The following MAN2B2 variants were observed in gnomAD, a reference collection of about 807,000 sequenced individuals.
MAN2B2 encodes mannosidase alpha class 2B member 2.
A neutral mutation model predicts 117.1 loss-of-function variants in MAN2B2; 106 were observed. The observed-to-expected ratio is 0.90, with a 90% CI of 0.77 to 1.06. The LOEUF (loss-of-function observed/expected upper bound fraction) is 1.06. Among genes scored for constraint, MAN2B2 ranks in the 50% least tolerant of loss-of-function variants. MAN2B2 has a pLI of 0.00. For missense variants in MAN2B2, 1,326 were observed against 1,381.4 expected (o/e 0.96, Z 0.64); for synonymous variants, 544 against 595.1 (o/e 0.91, Z 1.25).
chr4:6,578,195 A>C (rs1370495563), intron 2 of MAN2B2, among the ~76,000 whole-genome samples, 198 bp from the exon 3 acceptor site: 1 of 152,178 alleles, frequency 6.6e-6, no homozygotes, highest in Non-Finnish European at 1.5e-5. Context: ...TATCTCAAAT[A>C]CCACCTGAGG....
intron 3 of MAN2B2, among the ~76,000 whole-genome samples, chr4:6,579,099 G>C (rs202012505): frequency 0.029 from 637 of 21,688 alleles, 5 homozygotes; most frequent in South Asian, 0.038. Context: ...ACCATCACCA[G>C]CACCACCACC....
chr4:6,614,779 C>G (rs542667489), intron 16 of MAN2B2, among the ~76,000 whole-genome samples: 2 of 152,340 alleles, frequency 1.3e-5, no homozygotes, highest in African/African-American at 4.8e-5. Flanking sequence ...CTCACTCATT[C>G]AACAGCACGT....
In MAN2B2 at chr4:6,611,179, T is replaced by C. The variant is rs550228278; in HGVS notation, c.2464T>C (p.Trp822Arg). The C allele has an allele frequency of 8.8e-5, 142 of 1,613,970 alleles. 2 individuals are homozygous for C. The South Asian group carries it at 1.5e-3, about 17-fold the overall frequency. The stretch of plus-strand genomic sequence containing the variant: ...CACCTCAGTCGTCCACCCAGTGCTC[T>C]GGCTTCTGCTGGGATCCTGGTCCCT... Reference protein sequence around the residue: ...NDTSVVHPVLWLLLGSWSLTT... With the variant: ...NDTSVVHPVLRLLLGSWSLTT... Residue 822 changes from tryptophan to arginine, a missense_variant, in exon 15 of 19, where the codon TGG (tryptophan) becomes CGG (arginine). Transcript: ENST00000285599.
In MAN2B2 at chr4:6,598,353, C is replaced by A. The variant is rs1159779598; in HGVS notation, c.1404C>A (p.Ser468=). Residue 468 remains serine, a splice_region_variant and synonymous_variant, in exon 9 of 19, where the codon TCC becomes TCA. Transcript: ENST00000285599. Reference sequence around the variant, plus strand: ...CCCAGGCACCCATGGCGGCCAGCTCCGGTGAGCAGGGCCCTGCAGGGAGGC... The same window carrying A: ...CCCAGGCACCCATGGCGGCCAGCTCAGGTGAGCAGGGCCCTGCAGGGAGGC... ...LQPQAPMAAS[S]DAGPAGHFAS... is the part of the protein sequence containing the mutation. The A allele has an allele frequency of 6.2e-7, 1 of 1,611,270 alleles. No individual in the cohort carries two copies. Among genetic ancestry groups the A allele is most frequent in the Non-Finnish European group, 8.5e-7 (1 of 1,178,846 alleles).
At chr4:6,609,538 C>T in intron 12 of MAN2B2, 1 of 624,120 alleles carries the variant, frequency 1.6e-6, no homozygotes, top group South Asian at 2.0e-5. Context: ...GACCCTGGGG[C>T]CCACAGAGCA....
At chr4:6,590,543 G>A (rs1188499830) in intron 5 of MAN2B2, among the ~76,000 whole-genome samples, 1 of 152,140 alleles carries the variant, frequency 6.6e-6, no homozygotes, top group Non-Finnish European at 1.5e-5. Context: ...CCATCCATCG[G>A]CACCCCATCC....
intron 17 of MAN2B2, chr4:6,619,603 C>T (rs531687784): frequency 3.6e-6 from 1 of 281,310 alleles, no homozygotes; most frequent in African/African-American, 2.2e-5. Context: ...CACGGGGCCA[C>T]CTGAGCAATG....
chr4:6,594,570 T>A lies in MAN2B2; in HGVS notation c.895T>A (p.Phe299Ile), dbSNP rs1726992506. Residue 299 changes from phenylalanine to isoleucine, a missense_variant, in exon 7 of 19, where the codon TTT (phenylalanine) becomes ATT (isoleucine). Physicochemically the swap from Phe to Ile is conservative, Grantham distance 21. Transcript: ENST00000285599. Reference protein sequence around the residue: ...DKQFFNASVQFANMDPLLDHI... With the variant: ...DKQFFNASVQIANMDPLLDHI... Reference sequence around the variant, plus strand: ...GCAGTTCTTCAATGCCTCGGTGCAGTTTGCCAACATGGACCCGCTGCTGGA... The same window carrying A: ...GCAGTTCTTCAATGCCTCGGTGCAGATTGCCAACATGGACCCGCTGCTGGA... The A allele has an allele frequency of 6.2e-7, 1 of 1,613,516 alleles. No individual in the cohort carries two copies. The highest frequency in any genetic ancestry group is 1.7e-5 in the Admixed American group (1 of 60,004).
chr4:6,579,389 T>TCAC (rs1299509521), intron 3 of MAN2B2, among the ~76,000 whole-genome samples: 1 of 8,318 alleles, frequency 1.2e-4, no homozygotes, highest in Non-Finnish European at 2.6e-4. Context: ...CCACTACCCT[T>TCAC]CACCATCACC....
chr4:6,576,161 T>C (rs73796280), intron 1 of MAN2B2, among the ~76,000 whole-genome samples: 3,827 of 152,172 alleles, frequency 0.025, 160 homozygotes, highest in African/African-American at 0.087. Context: ...GCTTTCCTCA[T>C]TTCAGCCCCA....
At chr4:6,578,971 C>T (rs1252249089) in intron 3 of MAN2B2, among the ~76,000 whole-genome samples, 1 of 150,242 alleles carries the variant, frequency 6.7e-6, no homozygotes, top group Non-Finnish European at 1.5e-5. Flanking sequence ...CCATCACCAC[C>T]ACCACCACGA....
chr4:6,615,868 A>G (rs1711838861), intron 16 of MAN2B2, among the ~76,000 whole-genome samples: 1 of 151,678 alleles, frequency 6.6e-6, no homozygotes, highest in Non-Finnish European at 1.5e-5. Flanking sequence ...CAGTGGTGTG[A>G]TCTTGGCTCA....
chr4:6,597,039 C>T (rs1295427881), intron 7 of MAN2B2, 74 bp from the exon 8 acceptor site: 1 of 1,433,048 alleles, frequency 7.0e-7, no homozygotes, highest in South Asian at 1.3e-5. Context: ...AGCTTCTCAG[C>T]TCTTCCAGGG....
chr4:6,610,333 T>C (rs1301834497), intron 13 of MAN2B2, among the ~76,000 whole-genome samples: 1 of 152,132 alleles, frequency 6.6e-6, no homozygotes, highest in Non-Finnish European at 1.5e-5. Flanking sequence ...ATTTTTATAT[T>C]TTTAGTAGAG....
chr4:6,578,442 A>G lies in MAN2B2; in HGVS notation c.335A>G (p.Gln112Arg). 9 of 1,613,736 alleles carry G rather than the reference A, an allele frequency of 5.6e-6. No homozygotes were observed. Among genetic ancestry groups the G allele is most frequent in the Non-Finnish European group, 7.6e-6 (9 of 1,179,840 alleles). The change falls in exon 3 of 19, where the codon CAG becomes CGG. Residue 112 changes from glutamine (Q) to arginine (R), a missense_variant. Transcript: ENST00000285599. The stretch of plus-strand genomic sequence containing the variant: ...CGCCTGGAATTTGTCATCGGAGGCC[A>G]GGTCATGCATGACGAGGCTGTGACG... ...EGRLEFVIGGQVMHDEAVTHL... is the reference protein window; with the variant it reads ...EGRLEFVIGGRVMHDEAVTHL...
At chr4:6,576,057 C>A (rs1229962957) in intron 1 of MAN2B2, among the ~76,000 whole-genome samples, 3 of 152,194 alleles carry the variant, frequency 2.0e-5, no homozygotes, top group Admixed American at 2.0e-4. Flanking sequence ...CGGATGGGAA[C>A]ACACTACAGC....
intron 2 of MAN2B2, 58 bp from the exon 3 acceptor site, chr4:6,578,335 A>G (rs1040964960): frequency 3.0e-6 from 4 of 1,328,708 alleles, no homozygotes; most frequent in East Asian, 4.9e-5. Context: ...TTCCCCACAG[A>G]CCCAGCCATG....
chr4:6,606,282 G>A (rs1372964880), intron 11 of MAN2B2, among the ~76,000 whole-genome samples: 1 of 152,248 alleles, frequency 6.6e-6, no homozygotes, highest in Non-Finnish European at 1.5e-5. Flanking sequence ...CTCTGGGAAT[G>A]GGGCCCCAGT....
chr4:6,580,795 C>T (rs1726397065), intron 3 of MAN2B2, among the ~76,000 whole-genome samples: 1 of 152,188 alleles, frequency 6.6e-6, no homozygotes, highest in African/African-American at 2.4e-5. Flanking sequence ...CTGCCCTGCC[C>T]TGAGGGTACC....
Sources: allele counts gnomAD v4.1 joint callset (sites outside exome capture counted in the v4.1 genomes callset), GRCh38; gene constraint gnomAD v4.1.1; transcripts MANE v1.5; gene names NCBI Gene and HGNC (gene_info 2026-07-23, HGNC 2026-07-21).